Variants in KDM5A observed in about 807,000 individuals in gnomAD.
KDM5A encodes lysine-specific demethylase 5A.
Under a neutral mutation model 193.5 loss-of-function variants are expected in KDM5A, and 42 were observed. The observed-to-expected ratio is 0.22, with a 90% CI of 0.17 to 0.28. The LOEUF is 0.28. Among genes scored for constraint, KDM5A ranks in the 10% least tolerant of loss-of-function variants. KDM5A has a pLI of 1.00. For synonymous variants in KDM5A, 796 were observed against 718.1 expected, an observed-to-expected ratio of 1.11 and a Z score of -1.73; for missense variants, 1,692 against 2,055.1, an observed-to-expected ratio of 0.82 and a Z score of 3.42.
chr12:301,347 G>A (rs112541335), intron 24 of KDM5A, among the ~76,000 whole-genome samples: 3,381 of 152,192 alleles, frequency 0.022, 107 homozygotes, highest in African/African-American at 0.077. Flanking sequence ...AGTCAGCTTC[G>A]TCCCCAGGAT....
At chr12:334,577 T>C (rs1943904055) in intron 10 of KDM5A, among the ~76,000 whole-genome samples, 155 bp from the exon 11 acceptor site, 1 of 152,250 alleles carries the variant, frequency 6.6e-6, no homozygotes. Flanking sequence ...ATGTAACTCA[T>C]ATAACTAAAC....
At chr12:363,580 C>G (rs909165470) in intron 4 of KDM5A, among the ~76,000 whole-genome samples, 1 of 151,894 alleles carries the variant, frequency 6.6e-6, no homozygotes, top group Non-Finnish European at 1.5e-5. Context: ...CCTTCCCCAC[C>G]AAAAAATAAA....
chr12:333,690 A>G, intron 11 of KDM5A, 41 bp from the exon 12 acceptor site: 1 of 1,575,776 alleles, frequency 6.3e-7, no homozygotes, highest in Non-Finnish European at 8.7e-7. Context: ...AGAACATGGT[A>G]CCAATGAGGC....
intron 2 of KDM5A, among the ~76,000 whole-genome samples, chr12:385,202 T>G (rs1445156070): frequency 1.4e-5 from 2 of 144,412 alleles, no homozygotes; most frequent in African/African-American, 5.1e-5. Context: ...AAAAAAAAAG[T>G]ATGTATTAAA....
At chr12:346,173 TG>T (rs1340059154) in intron 10 of KDM5A, among the ~76,000 whole-genome samples, 1 of 151,982 alleles carries the variant, frequency 6.6e-6, no homozygotes, top group Non-Finnish European at 1.5e-5. Context: ...CTAGAAGAAA[TG>T]GATAAATTCC....
At chr12:388,097 T>C (rs561886630) in intron 1 of KDM5A, 115 of 254,256 alleles carry the variant, frequency 4.5e-4, no homozygotes, top group Non-Finnish European at 8.5e-4. Context: ...TTGACCCTGG[T>C]GCAAGTGGTC....
At chr12:304,397 C>A (rs1437152540) in intron 24 of KDM5A, among the ~76,000 whole-genome samples, 2 of 146,058 alleles carry the variant, frequency 1.4e-5, no homozygotes, top group African/African-American at 2.5e-5. Context: ...ATAAAATTTT[C>A]ATTATACAAT....
chr12:309,883 C>A lies in KDM5A; in HGVS notation c.3298G>T (p.Glu1100Ter). 6.2e-7 allele frequency: 1 copy of A among 1,613,762 alleles called. No homozygotes were observed. The highest frequency in any genetic ancestry group is 8.5e-7 in the Non-Finnish European group (1 of 1,179,882). The change falls in exon 22 of 28, where the codon GAA becomes TAA. Residue 1100 changes from glutamate (E) to a stop codon, truncating the protein, a stop_gained. Coordinates refer to ENST00000399788, the MANE Select transcript of KDM5A (RefSeq NM_001042603.3). LOFTEE classifies it high-confidence loss of function. ...TCCAGGTCCAGATCCTTTTCTTTTT[C>A]TTTTTCTATTAGTTCTTTTACTTTT... ...RKKVKELIEKEKEKDLDLEPL... is the reference protein window; with the variant it reads ...RKKVKELIEK
At chr12:358,457 T>C (rs1944252739) in intron 5 of KDM5A, among the ~76,000 whole-genome samples, 1 of 152,226 alleles carries the variant, frequency 6.6e-6, no homozygotes, top group African/African-American at 2.4e-5. Context: ...CTACACATTC[T>C]TTACCATTAT....
At chr12:371,522 T>G (rs556859073) in intron 3 of KDM5A, among the ~76,000 whole-genome samples, 1 of 152,276 alleles carries the variant, frequency 6.6e-6, no homozygotes, top group African/African-American at 2.4e-5. Flanking sequence ...GTCAGATGAG[T>G]AGACTGCAAA....
intron 13 of KDM5A, 84 bp downstream of exon 13, chr12:331,735 A>T: frequency 5.9e-6 from 9 of 1,520,646 alleles, no homozygotes; most frequent in Non-Finnish European, 8.2e-6. Context: ...CCCTGAGCCC[A>T]GCTAAGCAAA....
chr12:313,816 G>C (rs151211848), intron 19 of KDM5A, among the ~76,000 whole-genome samples: 68 of 152,304 alleles, frequency 4.5e-4, no homozygotes, highest in African/African-American at 1.5e-3. Context: ...ATTCTGCCCA[G>C]GAGAGTTGAG....
chr12:314,475 G>T (rs1174677294), intron 19 of KDM5A, among the ~76,000 whole-genome samples: 2 of 152,064 alleles, frequency 1.3e-5, no homozygotes, highest in Non-Finnish European at 2.9e-5. Flanking sequence ...GATTACAGGC[G>T]TGAGCCACTG....
At position 313,127 on chromosome 12, in the gene KDM5A, G is replaced by A. The variant is rs1943610098; in HGVS notation, c.2965C>T (p.Pro989Ser). ...GCTTCTTTCAAGGACAACACATTGG[G>A]TAGAAAGGCTGGAATGTTCTTGGCT... ...NEAKNIPAFL[P>S]NVLSLKEALQ... Residue 989 changes from proline to serine, a missense_variant, in exon 20 of 28, where the codon CCC (proline) becomes TCC (serine). Around this residue, in one of 11 missense-constraint regions of KDM5A, gnomAD observed 965 missense variants for 1,061.0 expected, o/e 0.91. Transcript: ENST00000399788. 1 of 1,614,072 alleles carries A rather than the reference G, an allele frequency of 6.2e-7. No individual in the cohort carries two copies. Among genetic ancestry groups the A allele is most frequent in the East Asian group, 2.2e-5 (1 of 44,876 alleles).
At chr12:291,098 C>CAT (rs1943287871) in intron 27 of KDM5A, among the ~76,000 whole-genome samples, 1 of 151,850 alleles carries the variant, frequency 6.6e-6, no homozygotes. Context: ...ATAATATGCA[C>CAT]ATATATATTA....
rs1944146406 is a variant in KDM5A at position 350,712 on chromosome 12, A to G, written c.1217T>C (p.Ile406Thr). ...RLVSSIEEDV[I>T]VEYGADISSK... ...GGAGATATCTGCTCCATATTCCACAATAACATCTTCTTCAATGCTGCTTAC... is the reference window on the plus strand; with the variant it reads ...GGAGATATCTGCTCCATATTCCACAGTAACATCTTCTTCAATGCTGCTTAC... The change falls in exon 10 of 28, where the codon ATT becomes ACT. Residue 406 changes from isoleucine (I) to threonine (T), a missense_variant. Ile to Thr is a moderately conservative substitution (Grantham distance 89). Transcript: ENST00000399788. 13 of 1,614,082 alleles carry G rather than the reference A, an allele frequency of 8.1e-6. No individual in the cohort carries two copies. The highest frequency in any genetic ancestry group is 1.0e-5 in the Non-Finnish European group (12 of 1,179,958).
At position 307,621 on chromosome 12, in the gene KDM5A, T is replaced by C. The variant is rs753105482; in HGVS notation, c.3763A>G (p.Ser1255Gly). The change falls in exon 23 of 28, where the codon AGT becomes GGT. Residue 1255 changes from serine (S) to glycine (G), a missense_variant. Ser to Gly is a moderately conservative substitution (Grantham distance 56, BLOSUM62 0). Around this residue, in one of 11 missense-constraint regions of KDM5A, gnomAD observed 965 missense variants for 1,061.0 expected, o/e 0.91. Coordinates refer to ENST00000399788, the MANE Select transcript of KDM5A (RefSeq NM_001042603.3). The surrounding 1 kb of genome is among the most constrained non-coding windows in gnomAD (Gnocchi z 4.3). ...ALQCLTERAM[S>G]WQDRARQALA... ...GCCTGCCGCGCTCTATCTTGCCAACTCATAGCACGTTCTGTCAAACACTGC... is the reference window on the plus strand; with the variant it reads ...GCCTGCCGCGCTCTATCTTGCCAACCCATAGCACGTTCTGTCAAACACTGC... 4.3e-6 allele frequency: 7 copies of C among 1,614,198 alleles called. No homozygotes were observed. Among genetic ancestry groups the C allele is most frequent in the Middle Eastern group, 1.6e-4 (1 of 6,062 alleles).
At chr12:358,292 T>TG (rs758529151) in intron 5 of KDM5A, among the ~76,000 whole-genome samples, 51 of 152,214 alleles carry the variant, frequency 3.4e-4, no homozygotes, top group Non-Finnish European at 3.5e-4. Context: ...TATAAGTCTG[T>TG]GGTTACATAA....
At chr12:365,897 T>C in intron 4 of KDM5A, 37 bp downstream of exon 4, 1 of 1,606,680 alleles carries the variant, frequency 6.2e-7, no homozygotes, top group Non-Finnish European at 8.5e-7. Context: ...GCAAACTGGA[T>C]TTATCAACTT....
Sources: gnomAD v4.1 joint callset for allele counts (sites outside exome capture counted in the v4.1 genomes callset) on GRCh38, gnomAD v4.1.1 for gene constraint, gnomAD v4.1.1 regional missense constraint, Gnocchi (gnomAD v3.1) non-coding constraint, MANE v1.5 for transcripts, NCBI Gene and HGNC (gene_info 2026-07-23, HGNC 2026-07-21) for gene names.